RB1CC1: variants seen among roughly 807,000 people sequenced by gnomAD.
The protein encoded by RB1CC1 is RB1 inducible coiled-coil 1, also known as RB1-inducible coiled-coil protein 1.
RB1CC1 carries 46 observed loss-of-function variants against 177.5 expected under a neutral mutation model. The ratio of observed to expected loss-of-function variants is 0.26; its 90% CI spans 0.20 to 0.33. RB1CC1 has a LOEUF of 0.33. RB1CC1 is among the 10% of genes least tolerant of loss of function. The pLI is 1.00. For missense variants in RB1CC1, 1,703 were observed against 1,816.3 expected (o/e 0.94, Z 1.13); for synonymous variants, 666 against 613.6 (o/e 1.09, Z -1.26).
At chr8:52,666,529 A>AG (rs35357917) in intron 8 of RB1CC1, among the ~76,000 whole-genome samples, 37,040 of 149,450 alleles carry the variant, frequency 0.25, 5,299 homozygotes, top group Non-Finnish European at 0.32. Flanking sequence ...AAAAAAAAAA[A>AG]AAAGAAAGAA....
chr8:52,701,383 C>T (rs1856037777), intron 1 of RB1CC1, among the ~76,000 whole-genome samples: 2 of 152,036 alleles, frequency 1.3e-5, no homozygotes, highest in Admixed American at 6.6e-5. Flanking sequence ...TCTCGGCCTC[C>T]CCAAGTGTTG....
chr8:52,686,962 A>G lies in RB1CC1; in HGVS notation c.-161T>C. ...CTGAATGGCATTACTGGTTAAACTC[A>G]GAAAACTGGAAAAGAAAAATTTCTG... On this transcript the variant is annotated 5_prime_UTR_variant, in exon 2 of 24. Transcript: ENST00000025008. The G allele has an allele frequency of 2.2e-6, 1 of 456,422 alleles. No individual in the cohort carries two copies. The highest frequency in any genetic ancestry group is 4.4e-6 in the Non-Finnish European group (1 of 226,906). The allele number at this position is 456,422 out of a possible 1,614,324, so 28.3% of individuals were successfully genotyped here. A position where few individuals can be genotyped will look rare whatever the true frequency, so the allele number is the denominator to read the frequency against.
chr8:52,676,354 T>C lies in RB1CC1; in HGVS notation c.572+15A>G. 1 of 1,582,338 alleles carries C rather than the reference T, an allele frequency of 6.3e-7. No individual in the cohort carries two copies. Among genetic ancestry groups the C allele is most frequent in the East Asian group, 2.2e-5 (1 of 44,698 alleles). ...CATTTTAAACAAATATTATCCATTT[T>C]AATGGCAAACATACTGAGTAAGTTT... On this transcript the variant is annotated intron_variant, in intron 6 of 23. Coordinates refer to ENST00000025008, the MANE Select transcript of RB1CC1 (RefSeq NM_014781.5).
In RB1CC1 at chr8:52,652,120, T is replaced by C. The variant is rs140921478; in HGVS notation, c.3821+3888A>G. Among the ~76,000 whole-genome samples, 5 of 152,274 alleles carry C rather than the reference T, an allele frequency of 3.3e-5. No individual in the cohort carries two copies. The East Asian group carries it at 5.8e-4, about 18-fold the overall frequency. ...AAAACTTAAGAGATTTGCAAATACATAGAACAATGGTACTCTTCTAACTAG... is the reference window on the plus strand; with the variant it reads ...AAAACTTAAGAGATTTGCAAATACACAGAACAATGGTACTCTTCTAACTAG... On this transcript the variant is annotated intron_variant, in intron 15 of 23. Transcript: ENST00000025008.
rs201054277 is a variant in RB1CC1, at chr8:52,628,184, C to T, written c.4500-16G>A. On this transcript the variant is annotated splice_polypyrimidine_tract_variant and intron_variant, in intron 21 of 23. Transcript: ENST00000025008. ...CACCTGAAAACTGAATAAAGAAATGCAATTTTATTGACTTAGAGTTACTTT... is the reference window on the plus strand; with the variant it reads ...CACCTGAAAACTGAATAAAGAAATGTAATTTTATTGACTTAGAGTTACTTT... 1,873 of 1,602,668 alleles carry T rather than the reference C, an allele frequency of 1.2e-3. No individual in the cohort carries two copies. Among genetic ancestry groups the T allele is most frequent in the Non-Finnish European group, 1.5e-3 (1,726 of 1,173,260 alleles).
At position 52,642,781 on chromosome 8, in the gene RB1CC1, T is replaced by C. The variant is rs1849694473; in HGVS notation, c.4019A>G (p.Lys1340Arg). 6.4e-7 allele frequency: 1 copy of C among 1,570,026 alleles called. No homozygotes were observed. Among genetic ancestry groups the C allele is most frequent in the Non-Finnish European group, 8.6e-7 (1 of 1,166,518 alleles). The change falls in exon 17 of 24, where the codon AAA becomes AGA. Residue 1340 changes from lysine (K) to arginine (R), a missense_variant. This residue lies in a region of RB1CC1 where 1,169 missense variants were observed against 1,184.7 expected (regional missense o/e 0.99). Transcript: ENST00000025008. ...TNFNTVLTRE[K>R]MRKENIINDL... ...ATTTATTATGTTTTCTTTTCTCATT[T>C]TCTCTCTTGTTAAAACAGTGTTAAA... is the stretch of plus-strand genomic sequence containing the variant.
intron 6 of RB1CC1, among the ~76,000 whole-genome samples, chr8:52,675,001 C>A (rs541530913): frequency 1.8e-3 from 279 of 151,924 alleles, no homozygotes; most frequent in African/African-American, 6.6e-3. Flanking sequence ...CTCATAACAC[C>A]CTGAAAACAG....
chr8:52,659,537 T>G lies in RB1CC1; in HGVS notation c.1690-561A>C, dbSNP rs577602402. On this transcript the variant is annotated intron_variant, in intron 12 of 23. Coordinates refer to ENST00000025008, the MANE Select transcript of RB1CC1 (RefSeq NM_014781.5). ...GCCAAGAGTTGCATTAAAAAAAAAC[T>G]TGTTTTAAATCATTACTCAAGCAGA... is the stretch of plus-strand genomic sequence containing the variant. Among the ~76,000 whole-genome samples the G allele has an allele frequency of 2.6e-5, 4 of 152,218 alleles. No individual in the cohort carries two copies. The South Asian group carries it at 8.3e-4, about 32-fold the overall frequency.
chr8:52,702,273 T>C (rs558946672), intron 1 of RB1CC1, among the ~76,000 whole-genome samples: 21 of 152,356 alleles, frequency 1.4e-4, no homozygotes, highest in African/African-American at 4.1e-4. Flanking sequence ...CTATTCATGC[T>C]AATGTTTTAA....
In RB1CC1 at chr8:52,674,107, G is replaced by C. The variant is rs199599475; in HGVS notation, c.740C>G (p.Pro247Arg). ...STELVLSPDM[P>R]RTTNESLLTS... ...TAACAAAGATTCGTTAGTTGTTCTA[G>C]GCATATCAGGAGAGAGCACCAGTTC... is the stretch of plus-strand genomic sequence containing the variant. The change falls in exon 7 of 24, where the codon CCT (proline) becomes CGT (arginine). Residue 247 changes from proline (P) to arginine (R), a missense_variant. By Grantham distance (103) the Pro-to-Arg change is moderately radical. Around this residue, in one of 6 missense-constraint regions of RB1CC1, gnomAD observed 315 missense variants for 304.9 expected, o/e 1.03. Coordinates refer to ENST00000025008, the MANE Select transcript of RB1CC1 (RefSeq NM_014781.5). The C allele has an allele frequency of 1.2e-6, 2 of 1,614,130 alleles. No individual in the cohort carries two copies. Among genetic ancestry groups the C allele is most frequent in the East Asian group, 4.5e-5 (2 of 44,866 alleles).
chr8:52,658,886 G>T lies in RB1CC1; in HGVS notation c.1780C>A (p.Gln594Lys). ...AATGACATTTACCTGAGGAATGGCT[G>T]AACTTCCGAAGGACAAAATGATTGC... ...FLQSFCPSEVQPFLRVPLLCD... is the reference protein window; with the variant it reads ...FLQSFCPSEVKPFLRVPLLCD... Residue 594 changes from glutamine (Q) to lysine (K), a missense_variant, in exon 13 of 24, where the codon CAG becomes AAG. By Grantham distance (53) the Gln-to-Lys change is moderately conservative. Coordinates refer to ENST00000025008, the MANE Select transcript of RB1CC1 (RefSeq NM_014781.5). 1 of 1,573,142 alleles carries T rather than the reference G, an allele frequency of 6.4e-7. No homozygotes were observed. The highest frequency in any genetic ancestry group is 1.9e-5 in the Admixed American group (1 of 52,950).
intron 18 of RB1CC1, among the ~76,000 whole-genome samples, chr8:52,641,976 AAT>A (rs1849626245): frequency 6.6e-6 from 1 of 152,084 alleles, no homozygotes; most frequent in Non-Finnish European, 1.5e-5. Context: ...TAATAATAAT[AAT>A]AAAAAACCCT....
chr8:52,685,287 A>C, intron 3 of RB1CC1, 112 bp downstream of exon 3: 1 of 741,790 alleles, frequency 1.3e-6, no homozygotes, highest in Non-Finnish European at 2.2e-6. Flanking sequence ...TACAGGCGTG[A>C]GGTACCGCAC....
At chr8:52,667,043 A>G (rs894990799) in intron 8 of RB1CC1, among the ~76,000 whole-genome samples, 2 of 152,220 alleles carry the variant, frequency 1.3e-5, no homozygotes, top group Admixed American at 6.5e-5. Flanking sequence ...AGTAGGATAA[A>G]TACAAAGAAT....
Position 52,696,814 on chromosome 8 carries a change from G to A in RB1CC1, c.-166-9847C>T, listed in dbSNP as rs577433290. Among the ~76,000 whole-genome samples, 5 of 152,104 alleles carry A rather than the reference G, an allele frequency of 3.3e-5. No homozygotes were observed. In the South Asian group the frequency reaches 1.0e-3, roughly 32 times the overall value. On this transcript the variant is annotated intron_variant, in intron 1 of 23. Transcript: ENST00000025008. ...GCTCAGGAGTTCAAGACCAGCCTGG[G>A]TAACATGGCAAAACCCTGTCTCTAC...
intron 7 of RB1CC1, among the ~76,000 whole-genome samples, chr8:52,671,933 T>G (rs1852642277): frequency 6.6e-6 from 1 of 152,208 alleles, no homozygotes; most frequent in Non-Finnish European, 1.5e-5. Flanking sequence ...AAAGTCACGT[T>G]AGCTAATTTG....
chr8:52,653,615 T>C (rs17252015), intron 15 of RB1CC1, among the ~76,000 whole-genome samples: 3,872 of 152,248 alleles, frequency 0.025, 78 homozygotes, highest in Non-Finnish European at 0.042. Flanking sequence ...AGGAGATTAT[T>C]GGTGCTCATG....
intron 20 of RB1CC1, among the ~76,000 whole-genome samples, chr8:52,632,748 T>C (rs1326086857): frequency 2.0e-5 from 3 of 152,130 alleles, no homozygotes; most frequent in African/African-American, 7.2e-5. Context: ...GGGAACTACA[T>C]CAAGCAAACC....
chr8:52,673,753 G>C, intron 7 of RB1CC1, 92 bp downstream of exon 7: 1 of 1,190,678 alleles, frequency 8.4e-7, no homozygotes, highest in Admixed American at 2.9e-5. Flanking sequence ...CTACTAAAAG[G>C]TAATACCCAT....
Sources: allele counts gnomAD v4.1 joint callset (sites outside exome capture counted in the v4.1 genomes callset), GRCh38; gene constraint gnomAD v4.1.1; regional missense constraint gnomAD v4.1.1; transcripts MANE v1.5; gene names NCBI Gene and HGNC (gene_info 2026-07-23, HGNC 2026-07-21).